The following RIOK2 variants were observed in gnomAD, a reference collection of about 807,000 sequenced individuals.
The protein encoded by RIOK2 is serine/threonine-protein kinase RIO2.
RIOK2 carries 46 observed loss-of-function variants against 62.4 expected under a neutral mutation model. That is an observed-to-expected ratio of 0.74 (90% CI 0.58 to 0.94). The LOEUF (loss-of-function observed/expected upper bound fraction) is 0.94. Ranked by LOEUF, RIOK2 falls within the 40% of genes least tolerant of loss-of-function variation. RIOK2 has a pLI of 0.00. For missense variants in RIOK2, 574 were observed against 658.0 expected (o/e 0.87, Z 1.40); for synonymous variants, 197 against 216.0 (o/e 0.91, Z 0.77).
Position 97,167,905 on chromosome 5 carries a change from C to G in RIOK2, c.959G>C (p.Gly320Ala). 5 of 1,612,188 alleles carry G rather than the reference C, an allele frequency of 3.1e-6. No homozygotes were observed. The highest frequency in any genetic ancestry group is 4.2e-6 in the Non-Finnish European group (5 of 1,179,978). Reference protein sequence around the residue: ...QADDELLHPLGPDDKNIETKE... With the variant: ...QADDELLHPLAPDDKNIETKE... ...TGTTTCAATATTTTTATCATCTGGACCTAATGGATGAAGCAGTTCATCATC... is the reference window on the plus strand; with the variant it reads ...TGTTTCAATATTTTTATCATCTGGAGCTAATGGATGAAGCAGTTCATCATC... The change falls in exon 8 of 10, where the codon GGT becomes GCT. Residue 320 changes from glycine (G) to alanine (A), a missense_variant. By Grantham distance (60) the Gly-to-Ala change is moderately conservative. Coordinates refer to ENST00000283109, the MANE Select transcript of RIOK2 (RefSeq NM_018343.3).
chr5:97,166,641 CA>C (rs1226552412), intron 8 of RIOK2: 222 of 535,424 alleles, frequency 4.1e-4, no homozygotes, highest in South Asian at 4.8e-4. Flanking sequence ...TTAATATTTA[CA>C]AAAAAAAATT....
At chr5:97,169,554 C>A (rs1010356954) in intron 6 of RIOK2, among the ~76,000 whole-genome samples, 6 of 152,132 alleles carry the variant, frequency 3.9e-5, no homozygotes, top group African/African-American at 1.4e-4. Flanking sequence ...GGATAATGTG[C>A]AATTGACTCT....
chr5:97,166,899 A>C (rs1748855339), intron 8 of RIOK2: 1 of 977,244 alleles, frequency 1.0e-6, no homozygotes, highest in Admixed American at 6.0e-5. Flanking sequence ...CAATAATTTT[A>C]AAATCATCAG....
chr5:97,182,714 A>T, intron 1 of RIOK2: 1 of 227,650 alleles, frequency 4.4e-6, no homozygotes, highest in South Asian at 5.9e-5. Context: ...GTGTTGACTG[A>T]ATGAATCAGA....
chr5:97,168,003 A>C lies in RIOK2; in HGVS notation c.873-12T>G. On this transcript the variant is annotated splice_polypyrimidine_tract_variant and intron_variant, in intron 7 of 9. Coordinates refer to ENST00000283109, the MANE Select transcript of RIOK2 (RefSeq NM_018343.3). ...GAGTGTCTTCTCTCCTAGAAAAAAA[A>C]GGCGTCAAGCATAGAAAGAGAGAAA... The C allele has an allele frequency of 6.4e-7, 1 of 1,570,340 alleles. No homozygotes were observed. Among genetic ancestry groups the C allele is most frequent in the Non-Finnish European group, 8.6e-7 (1 of 1,168,020 alleles).
In RIOK2 at chr5:97,161,626, T is replaced by C. The variant is rs1748703595; in HGVS notation, c.*1435A>G. The C allele has an allele frequency of 6.6e-6, 1 of 152,182 alleles. No homozygotes were observed. The highest frequency in any genetic ancestry group is 2.4e-5 in the African/African-American group (1 of 41,450). The allele number at this position is 152,182 out of a possible 1,614,324, so 9.4% of individuals were successfully genotyped here. On this transcript the variant is annotated 3_prime_UTR_variant, in exon 10 of 10. Transcript: ENST00000283109. ...CTTAGGCTATTAAAGGTAAAAATCA[T>C]GTTTGTCTTGAGTTTCTTAATAGTA...
intron 6 of RIOK2, among the ~76,000 whole-genome samples, chr5:97,170,985 C>G (rs2112832755): frequency 2.6e-5 from 1 of 38,462 alleles, no homozygotes; most frequent in Middle Eastern, 8.9e-3. Context: ...GAAACCCCAT[C>G]TCTACTAAAA....
At chr5:97,179,321 T>C (rs1269459584) in intron 1 of RIOK2, 128 bp from the exon 2 acceptor site, 2 of 742,442 alleles carry the variant, frequency 2.7e-6, no homozygotes, top group African/African-American at 3.6e-5. Context: ...TGAGACATAA[T>C]CACTTCCGTC....
rs1580263689 is a variant in RIOK2 at position 97,163,367 on chromosome 5, G to GAT, written c.1495-143_1495-142insAT. On this transcript the variant is annotated intron_variant, in intron 9 of 9. Transcript: ENST00000283109. ...AGTACTATATAGAAACTGTTATATA[G>GAT]GAGAAATTAAATTCCAAACAGAAAT... 3 of 703,196 alleles carry GAT rather than the reference G, an allele frequency of 4.3e-6. No homozygotes were observed. In the East Asian group the frequency reaches 8.5e-5, roughly 20 times the overall value. 43.6% of individuals were successfully genotyped at this position (703,196 alleles called of 1,614,324 possible). A position where few individuals can be genotyped will look rare whatever the true frequency, so the allele number is the denominator to read the frequency against.
At chr5:97,166,343 G>A (rs1369898922) in intron 8 of RIOK2, 1 of 455,258 alleles carries the variant, frequency 2.2e-6, no homozygotes, top group Admixed American at 2.4e-5. Flanking sequence ...TTATTTAAAT[G>A]GCAGTAGCCC....
chr5:97,163,964 T>C (rs1748771748), intron 9 of RIOK2, among the ~76,000 whole-genome samples: 1 of 151,960 alleles, frequency 6.6e-6, no homozygotes, highest in African/African-American at 2.4e-5. Context: ...AGGAACACAG[T>C]TCACGGTGGC....
Position 97,177,190 on chromosome 5 carries a change from G to A in RIOK2, c.424C>T (p.His142Tyr). 6.2e-7 allele frequency: 1 copy of A among 1,613,366 alleles called. No individual in the cohort carries two copies. The highest frequency in any genetic ancestry group is 8.5e-7 in the Non-Finnish European group (1 of 1,179,510). Residue 142 changes from histidine to tyrosine, a missense_variant, in exon 4 of 10, where the codon CAT (histidine) becomes TAT (tyrosine). Transcript: ENST00000283109. Reference protein sequence around the residue: ...FRNLKNKRDYHKHRHNVSWLY... With the variant: ...FRNLKNKRDYYKHRHNVSWLY... ...CATGACACATTGTGCCTATGTTTAT[G>A]ATAATCGCGTTTGTTTTTCAAATTT...
At chr5:97,175,016 C>G (rs1749125225) in intron 4 of RIOK2, among the ~76,000 whole-genome samples, 1 of 152,000 alleles carries the variant, frequency 6.6e-6, no homozygotes, top group Non-Finnish European at 1.5e-5. Context: ...CGTGATCGTG[C>G]CACTGCACTC....
Position 97,161,588 on chromosome 5 carries a change from G to T in RIOK2, c.*1473C>A, listed in dbSNP as rs1004333119. On this transcript the variant is annotated 3_prime_UTR_variant, in exon 10 of 10. Coordinates refer to ENST00000283109, the MANE Select transcript of RIOK2 (RefSeq NM_018343.3). The stretch of plus-strand genomic sequence containing the variant: ...TCTGATTGGAATAATTAATTCCTTG[G>T]CCCACAAGAAATCTTAGGCTATTAA... 6.6e-6 allele frequency: 1 copy of T among 152,006 alleles called. No homozygotes were observed. The highest frequency in any genetic ancestry group is 1.5e-5 in the Non-Finnish European group (1 of 68,006). The allele number at this position is 152,006 out of a possible 1,614,324, so 9.4% of individuals were successfully genotyped here. A position where few individuals can be genotyped will look rare whatever the true frequency, so the allele number is the denominator to read the frequency against.
At chr5:97,177,964 C>T (rs903824750) in intron 2 of RIOK2, 116 bp from the exon 3 acceptor site, 52 of 655,040 alleles carry the variant, frequency 7.9e-5, no homozygotes, top group Admixed American at 4.5e-4. Context: ...AAAAGATAAA[C>T]TGCCCAGGCT....
chr5:97,176,808 T>A (rs1749173771), intron 4 of RIOK2, among the ~76,000 whole-genome samples: 1 of 152,228 alleles, frequency 6.6e-6, no homozygotes, highest in African/African-American at 2.4e-5. Context: ...TAGATATATA[T>A]ACATCCACAC....
chr5:97,179,194 C>G lies in RIOK2; in HGVS notation c.67-1G>C. Reference sequence around the variant, plus strand: ...CATGGTTCTTCATGCCCATTTCAACCTGAAATTAAAGGAATCATTATATAA... The same window carrying G: ...CATGGTTCTTCATGCCCATTTCAACGTGAAATTAAAGGAATCATTATATAA... On this transcript the variant is annotated splice_acceptor_variant, in intron 1 of 9. Coordinates refer to ENST00000283109, the MANE Select transcript of RIOK2 (RefSeq NM_018343.3). LOFTEE classifies it high-confidence loss of function. The G allele has an allele frequency of 6.2e-7, 1 of 1,612,156 alleles. No individual in the cohort carries two copies. Among genetic ancestry groups the G allele is most frequent in the South Asian group, 1.1e-5 (1 of 90,692 alleles).
At chr5:97,182,574 C>T (rs533635145) in intron 1 of RIOK2, among the ~76,000 whole-genome samples, 6 of 152,258 alleles carry the variant, frequency 3.9e-5, no homozygotes, top group Admixed American at 1.3e-4. Context: ...ATGCCATTAT[C>T]CTTTATCATT....
At chr5:97,163,896 C>T (rs80337189) in intron 9 of RIOK2, among the ~76,000 whole-genome samples, 2,858 of 151,746 alleles carry the variant, frequency 0.019, 95 homozygotes, top group African/African-American at 0.066. Flanking sequence ...GAACAAGGGT[C>T]TTCTTTTTTT....
Sources: gnomAD v4.1 joint callset for allele counts (sites outside exome capture counted in the v4.1 genomes callset) on GRCh38, gnomAD v4.1.1 for gene constraint, MANE v1.5 for transcripts, NCBI Gene and HGNC (gene_info 2026-07-23, HGNC 2026-07-21) for gene names.